APBB2: variants seen among roughly 807,000 people sequenced by gnomAD.
APBB2 encodes the protein amyloid beta precursor protein binding family B member 2, also known as Fe65-like 1.
Under a neutral mutation model 82.5 loss-of-function variants are expected in APBB2, and 38 were observed. The ratio of observed to expected loss-of-function variants is 0.46; its 90% CI spans 0.36 to 0.60. The LOEUF (loss-of-function observed/expected upper bound fraction) is 0.60. Ranked by LOEUF, APBB2 falls within the 20% of genes least tolerant of loss-of-function variation. The pLI is 0.00. For synonymous variants in APBB2, 341 were observed against 368.2 expected (o/e 0.93, Z 0.85); for missense variants, 772 against 972.3 (o/e 0.79, Z 2.74).
chr4:41,026,312 A>G (rs1714194073), intron 5 of APBB2, among the ~76,000 whole-genome samples: 1 of 152,180 alleles, frequency 6.6e-6, no homozygotes, highest in Non-Finnish European at 1.5e-5. Context: ...ACAAACCTTC[A>G]CATGTACCCC....
chr4:41,208,713 A>C (rs997134631), intron 1 of APBB2, among the ~76,000 whole-genome samples: 1 of 152,344 alleles, frequency 6.6e-6, no homozygotes, highest in Admixed American at 6.5e-5. Context: ...AGGAAAAGAG[A>C]GGGTAGAACT....
At chr4:41,078,389 T>A (rs1162550524) in intron 3 of APBB2, among the ~76,000 whole-genome samples, 2 of 152,180 alleles carry the variant, frequency 1.3e-5, no homozygotes, top group Non-Finnish European at 2.9e-5. Context: ...AAAAATCAAC[T>A]TTTAAAAGGG....
chr4:40,949,954 G>GT (rs1445159248), intron 6 of APBB2, among the ~76,000 whole-genome samples: 4 of 152,158 alleles, frequency 2.6e-5, no homozygotes, highest in Non-Finnish European at 5.9e-5. Context: ...CTCTTAGGGG[G>GT]TGAGATTCGG....
intron 7 of APBB2, among the ~76,000 whole-genome samples, chr4:40,936,549 G>A (rs1032589922): frequency 3.9e-5 from 6 of 152,176 alleles, no homozygotes; most frequent in African/African-American, 7.2e-5. Context: ...AAGCCATGGC[G>A]CCTGGTGCAA....
intron 6 of APBB2, among the ~76,000 whole-genome samples, chr4:40,950,612 C>G (rs1789850102): frequency 6.6e-6 from 1 of 152,062 alleles, no homozygotes. Context: ...CGTTGGGAGG[C>G]TGAGGTGGAT....
intron 6 of APBB2, among the ~76,000 whole-genome samples, chr4:40,949,107 C>T (rs1789333037): frequency 6.6e-6 from 1 of 151,878 alleles, no homozygotes; most frequent in African/African-American, 2.4e-5. Context: ...GGTGAAATCC[C>T]ATCTTTACAA....
intron 1 of APBB2, among the ~76,000 whole-genome samples, chr4:41,183,390 A>G (rs1771971323): frequency 6.6e-6 from 1 of 152,156 alleles, no homozygotes; most frequent in Non-Finnish European, 1.5e-5. Context: ...TCAAAAATTC[A>G]TATGTTACAC....
intron 2 of APBB2, among the ~76,000 whole-genome samples, chr4:41,122,586 T>G (rs1753169100): frequency 6.6e-6 from 1 of 152,204 alleles, no homozygotes; most frequent in African/African-American, 2.4e-5. Context: ...AAGAAGATCC[T>G]GGCCTGTAAT....
chr4:40,902,798 G>C (rs192900844), intron 10 of APBB2, among the ~76,000 whole-genome samples: 2 of 152,268 alleles, frequency 1.3e-5, no homozygotes, highest in Middle Eastern at 3.4e-3. Context: ...CGAAAGTGCT[G>C]GGATTACAGG....
intron 2 of APBB2, among the ~76,000 whole-genome samples, chr4:41,134,741 T>C (rs959522279): frequency 7.9e-5 from 12 of 152,258 alleles, no homozygotes; most frequent in African/African-American, 2.9e-4. Flanking sequence ...TCCCATAAGA[T>C]ACTGAGAAAG....
chr4:40,972,768 T>C (rs2154399097), intron 6 of APBB2, among the ~76,000 whole-genome samples: 1 of 152,338 alleles, frequency 6.6e-6, no homozygotes, highest in African/African-American at 2.4e-5. Flanking sequence ...CATGAAGTTT[T>C]AACCCTAGTG....
intron 2 of APBB2, among the ~76,000 whole-genome samples, chr4:41,110,913 T>C (rs1036707148): frequency 4.6e-5 from 7 of 152,172 alleles, no homozygotes; most frequent in South Asian, 2.1e-4. Context: ...TATTATTACA[T>C]TGTAATATAT....
At chr4:40,894,065 G>A (rs1471184375) in intron 10 of APBB2, among the ~76,000 whole-genome samples, 2 of 152,004 alleles carry the variant, frequency 1.3e-5, no homozygotes, top group Admixed American at 1.3e-4. Flanking sequence ...GAGGTAGGCA[G>A]ATCACGAGGT....
chr4:41,170,454 A>G (rs1426869010), intron 1 of APBB2, among the ~76,000 whole-genome samples: 1 of 152,218 alleles, frequency 6.6e-6, no homozygotes, highest in East Asian at 1.9e-4. Flanking sequence ...TGCTCTGAGA[A>G]GCACACAACA....
At chr4:41,123,319 A>G (rs548196196) in intron 2 of APBB2, among the ~76,000 whole-genome samples, 5 of 152,284 alleles carry the variant, frequency 3.3e-5, no homozygotes, top group African/African-American at 1.2e-4. Context: ...TCAGAGAGGG[A>G]AAAGAAAGAA....
At chr4:41,212,596 A>T (rs981380883) in intron 1 of APBB2, among the ~76,000 whole-genome samples, 2 of 152,232 alleles carry the variant, frequency 1.3e-5, no homozygotes, top group African/African-American at 4.8e-5. Context: ...CCTTCTGTGG[A>T]AAGGATCTCA....
intron 10 of APBB2, among the ~76,000 whole-genome samples, chr4:40,915,940 A>G (rs943337839): frequency 6.6e-6 from 1 of 152,174 alleles, no homozygotes; most frequent in African/African-American, 2.4e-5. Flanking sequence ...TGGAGCTGGC[A>G]CTGCAGGGTC....
chr4:41,208,319 T>C (rs1251374751), intron 1 of APBB2, among the ~76,000 whole-genome samples: 2 of 152,204 alleles, frequency 1.3e-5, no homozygotes, highest in Admixed American at 1.3e-4. Flanking sequence ...TGGAGTGCAG[T>C]GGCGCGGTCT....
intron 17 of APBB2, among the ~76,000 whole-genome samples, chr4:40,816,479 T>G (rs10016999): frequency 0.33 from 50,824 of 152,112 alleles, 8,719 homozygotes; most frequent in Non-Finnish European, 0.36. Flanking sequence ...ACCCTTTCCT[T>G]CCATCCATTT....
Sources: gnomAD v4.1 joint callset for allele counts (sites outside exome capture counted in the v4.1 genomes callset) on GRCh38, gnomAD v4.1.1 for gene constraint, MANE v1.5 for transcripts, NCBI Gene and HGNC (gene_info 2026-07-23, HGNC 2026-07-21) for gene names.